ZNF804B: variants seen among roughly 807,000 people sequenced by gnomAD.
ZNF804B encodes zinc finger protein 804B.
ZNF804B carries 80 observed loss-of-function variants against 101.4 expected under a neutral mutation model. The observed-to-expected ratio is 0.79, with a 90% CI of 0.66 to 0.95. The LOEUF (loss-of-function observed/expected upper bound fraction) is 0.95. Among genes scored for constraint, ZNF804B ranks in the 40% least tolerant of loss-of-function variants. ZNF804B has a pLI of 0.00. For synonymous variants in ZNF804B, 622 were observed against 558.8 expected (o/e 1.11, Z -1.59); for missense variants, 1,673 against 1,561.9 (o/e 1.07, Z -1.20).
chr7:89,067,328 G>T (rs148081280), intron 1 of ZNF804B, among the ~76,000 whole-genome samples: 1 of 152,118 alleles, frequency 6.6e-6, no homozygotes, highest in East Asian at 1.9e-4. Context: ...CCAGGCCTTC[G>T]TAGGGCTTAC....
intron 1 of ZNF804B, among the ~76,000 whole-genome samples, chr7:88,873,945 C>G (rs928125625): frequency 6.6e-6 from 1 of 152,072 alleles, no homozygotes; most frequent in Admixed American, 6.6e-5. Flanking sequence ...ATTGACTTGG[C>G]AATGCGGGCT....
At chr7:88,883,779 G>A (rs1792078808) in intron 1 of ZNF804B, among the ~76,000 whole-genome samples, 1 of 151,700 alleles carries the variant, frequency 6.6e-6, no homozygotes, top group South Asian at 2.1e-4. Flanking sequence ...GGTTCTATAA[G>A]TTGAGAAGCA....
chr7:89,181,590 C>T (rs1238802803), intron 1 of ZNF804B, among the ~76,000 whole-genome samples: 1 of 149,732 alleles, frequency 6.7e-6, no homozygotes, highest in African/African-American at 2.5e-5. Flanking sequence ...GTGGTCTCCA[C>T]AATTCAAGAC....
At chr7:89,103,048 GTTTTTTTTTTT>G (rs56693128) in intron 1 of ZNF804B, among the ~76,000 whole-genome samples, 324 of 33,734 alleles carry the variant, frequency 9.6e-3, no homozygotes, top group South Asian at 0.019. Flanking sequence ...CTATGTGTCT[GTTTTTTTTTTT>G]TTTTTTTTTT....
At chr7:89,123,940 G>C (rs1790441825) in intron 1 of ZNF804B, among the ~76,000 whole-genome samples, 1 of 152,158 alleles carries the variant, frequency 6.6e-6, no homozygotes, top group Admixed American at 6.6e-5. Context: ...GGAGTGTACA[G>C]GCAAGCATGG....
At chr7:89,007,563 TTATA>T (rs1221934238) in intron 1 of ZNF804B, among the ~76,000 whole-genome samples, 1 of 30,456 alleles carries the variant, frequency 3.3e-5, no homozygotes. Context: ...TATTTATCTA[TTATA>T]ATTATATATA....
At chr7:89,044,232 C>T (rs1445604120) in intron 1 of ZNF804B, among the ~76,000 whole-genome samples, 1 of 152,140 alleles carries the variant, frequency 6.6e-6, no homozygotes, top group Non-Finnish European at 1.5e-5. Flanking sequence ...TTCTTCCTGC[C>T]ATCATGTGAA....
chr7:88,952,792 A>T (rs10264363), intron 1 of ZNF804B, among the ~76,000 whole-genome samples: 58,193 of 151,476 alleles, frequency 0.38, 11,698 homozygotes, highest in Non-Finnish European at 0.44. Flanking sequence ...TGTGGCAAAA[A>T]AGTTGGGTTT....
chr7:88,857,002 G>A (rs566840957), intron 1 of ZNF804B, among the ~76,000 whole-genome samples: 86 of 152,082 alleles, frequency 5.7e-4, no homozygotes, highest in African/African-American at 1.9e-3. Flanking sequence ...TGCTGGATTC[G>A]GTTCGCCAGT....
At chr7:89,187,589 T>C (rs531234216) in intron 1 of ZNF804B, among the ~76,000 whole-genome samples, 1 of 152,356 alleles carries the variant, frequency 6.6e-6, no homozygotes, top group Non-Finnish European at 1.5e-5. Flanking sequence ...TAATCTCTTC[T>C]TGTGTCTTGG....
intron 2 of ZNF804B, among the ~76,000 whole-genome samples, chr7:89,298,604 G>A (rs1790429222): frequency 6.6e-6 from 1 of 151,680 alleles, no homozygotes; most frequent in African/African-American, 2.4e-5. Context: ...GTATTACAAA[G>A]CAATAATTAA....
chr7:89,102,749 T>C (rs1790074426), intron 1 of ZNF804B, among the ~76,000 whole-genome samples: 1 of 152,020 alleles, frequency 6.6e-6, no homozygotes, highest in Admixed American at 6.6e-5. Context: ...CATAAATTAT[T>C]TGCTTAGGCC....
At chr7:89,299,857 T>A (rs1700386679) in intron 2 of ZNF804B, among the ~76,000 whole-genome samples, 2 of 151,998 alleles carry the variant, frequency 1.3e-5, no homozygotes, top group Non-Finnish European at 2.9e-5. Flanking sequence ...AACTACTTGT[T>A]TAATTAAACC....
chr7:89,162,675 TTAAG>T (rs1380140198), intron 1 of ZNF804B, among the ~76,000 whole-genome samples: 3 of 144,750 alleles, frequency 2.1e-5, no homozygotes, highest in Non-Finnish European at 4.6e-5. Flanking sequence ...TTATTATACT[TTAAG>T]TTTTAGGGTA....
chr7:88,990,674 C>G (rs1377909092), intron 1 of ZNF804B, among the ~76,000 whole-genome samples: 1 of 152,066 alleles, frequency 6.6e-6, no homozygotes, highest in Non-Finnish European at 1.5e-5. Flanking sequence ...TTTTGAAGCA[C>G]AGAGTAAAGG....
At chr7:89,244,410 T>C (rs571773226) in intron 2 of ZNF804B, among the ~76,000 whole-genome samples, 18 of 152,232 alleles carry the variant, frequency 1.2e-4, no homozygotes, top group Middle Eastern at 3.4e-3. Context: ...TTAGTATATT[T>C]GAAAAATCAC....
intron 2 of ZNF804B, among the ~76,000 whole-genome samples, chr7:89,301,239 T>G (rs1790469462): frequency 6.6e-6 from 1 of 151,528 alleles, no homozygotes; most frequent in Non-Finnish European, 1.5e-5. Context: ...TTTTTAGAGT[T>G]TAGCTGATCT....
intron 1 of ZNF804B, among the ~76,000 whole-genome samples, chr7:89,154,380 G>A (rs1255299097): frequency 1.3e-5 from 2 of 152,040 alleles, no homozygotes; most frequent in Non-Finnish European, 1.5e-5. Flanking sequence ...CCCTCTGCTG[G>A]GTATCAGTAT....
intron 1 of ZNF804B, among the ~76,000 whole-genome samples, chr7:88,900,744 A>G (rs1584005789): frequency 1.3e-5 from 2 of 151,550 alleles, no homozygotes; most frequent in East Asian, 1.9e-4. Context: ...TCTCTTTTGT[A>G]CTTTAGATGG....
Sources: allele counts gnomAD v4.1 joint callset (sites outside exome capture counted in the v4.1 genomes callset), GRCh38; gene constraint gnomAD v4.1.1; transcripts MANE v1.5; gene names NCBI Gene and HGNC (gene_info 2026-07-23, HGNC 2026-07-21).